The following IL1RAPL1 variants were observed in gnomAD, a reference collection of about 807,000 sequenced individuals.
IL1RAPL1 encodes the protein interleukin-1 receptor accessory protein-like 1.
Under a neutral mutation model 48.4 loss-of-function variants are expected in IL1RAPL1, and 3 were observed. That is an observed-to-expected ratio of 0.06 (90% CI 0.03 to 0.16). The LOEUF (loss-of-function observed/expected upper bound fraction) is 0.16, where lower values mean the gene tolerates loss of function less well. Among genes scored for constraint, IL1RAPL1 ranks in the 10% least tolerant of loss-of-function variants. The pLI is 1.00. For synonymous variants in IL1RAPL1, 185 were observed against 187.7 expected, an observed-to-expected ratio of 0.99 and a Z score of 0.12; for missense variants, 349 against 530.6, an observed-to-expected ratio of 0.66 and a Z score of 3.36.
intron 5 of IL1RAPL1, among the ~76,000 whole-genome samples, chrX:29,444,756 A>T (rs1164771684): frequency 8.9e-6 from 1 of 111,919 alleles, no homozygotes; most frequent in Non-Finnish European, 1.9e-5. Context: ...GTCACGAAAC[A>T]GGTTGAGGAA....
At chrX:29,232,941 G>A (rs1490817142) in intron 2 of IL1RAPL1, among the ~76,000 whole-genome samples, 1 of 109,633 alleles carries the variant, frequency 9.1e-6, no homozygotes, top group East Asian at 2.9e-4. Flanking sequence ...TGGGGTTACA[G>A]GCACCCGCCA....
chrX:29,045,614 G>A (rs1396954493), intron 2 of IL1RAPL1, among the ~76,000 whole-genome samples: 1 of 111,036 alleles, frequency 9.0e-6, no homozygotes, highest in African/African-American at 3.3e-5. Flanking sequence ...TACAGGCATG[G>A]GCACTTGCCG....
In IL1RAPL1 at chrX:29,002,546, TA is replaced by T. The variant is rs762826760; in HGVS notation, c.82+213132del. On this transcript the variant is annotated intron_variant, in intron 2 of 10. Transcript: ENST00000378993. Reference sequence around the variant, plus strand: ...ATGTATGTTTTTTTAAAGCCAAAATTAAAAAAAAAAAGACTAAAGGGGAAAT... The same window carrying T: ...ATGTATGTTTTTTTAAAGCCAAAATTAAAAAAAAAAGACTAAAGGGGAAAT... Among the ~76,000 whole-genome samples the T allele has an allele frequency of 9.8e-3, 1,007 of 102,454 alleles. 2 individuals carry two copies. Among genetic ancestry groups the T allele is most frequent in the South Asian group, 0.03 (72 of 2,385 alleles). 89.0% of individuals were successfully genotyped at this position (102,454 alleles called of 115,157 possible).
chrX:29,906,517 ATAT>A (rs1988560996), intron 6 of IL1RAPL1, among the ~76,000 whole-genome samples: 11 of 41,963 alleles, frequency 2.6e-4, no homozygotes, highest in Non-Finnish European at 4.5e-4. Flanking sequence ...ATATATATAT[ATAT>A]ATTTCTGTAG....
rs1455911104 is a variant in IL1RAPL1, at chrX:28,587,557, G to GGTAATTT, written c.-514_-513insTAATTTG. On this transcript the variant is annotated 5_prime_UTR_variant, in exon 1 of 11. The change creates a premature stop within an existing upstream ORF in the 5' untranslated region. Coordinates refer to ENST00000378993, the MANE Select transcript of IL1RAPL1 (RefSeq NM_014271.4). ...ATCTGGAAATTTTACTTGGGGACCA[G>GGTAATTT]GAGGATTTGAAAGGCTGCATGTACT... 9.0e-6 allele frequency: 1 copy of GGTAATTT among 110,697 alleles called. No individual in the cohort carries two copies. The highest frequency in any genetic ancestry group is 1.9e-5 in the Non-Finnish European group (1 of 52,958). 9.1% of individuals were successfully genotyped at this position (110,697 alleles called of 1,213,427 possible). A position where few individuals can be genotyped will look rare whatever the true frequency, so the allele number is the denominator to read the frequency against.
intron 1 of IL1RAPL1, among the ~76,000 whole-genome samples, chrX:28,651,024 G>A (rs1197503167): frequency 9.0e-6 from 1 of 111,592 alleles, no homozygotes; most frequent in Non-Finnish European, 1.9e-5. Flanking sequence ...CATGTGACTG[G>A]GTTTCAGTGA....
intron 2 of IL1RAPL1, among the ~76,000 whole-genome samples, chrX:29,238,671 C>T (rs1483225595): frequency 8.9e-6 from 1 of 112,107 alleles, no homozygotes; most frequent in Non-Finnish European, 1.9e-5. Flanking sequence ...TAGAGATCAC[C>T]AAGACCCAAT....
At chrX:28,996,359 C>T (rs1925725400) in intron 2 of IL1RAPL1, among the ~76,000 whole-genome samples, 1 of 111,743 alleles carries the variant, frequency 8.9e-6, no homozygotes, top group Non-Finnish European at 1.9e-5. Context: ...ATCCACTAAT[C>T]ATTTGATGAT....
chrX:29,035,514 C>T (rs777840848), intron 2 of IL1RAPL1, among the ~76,000 whole-genome samples: 2 of 111,159 alleles, frequency 1.8e-5, no homozygotes, highest in Middle Eastern at 4.6e-3. Context: ...TAACTTTAGG[C>T]GGGTTAAAAA....
At chrX:29,323,778 T>A (rs1291837809) in intron 3 of IL1RAPL1, among the ~76,000 whole-genome samples, 1 of 50,917 alleles carries the variant, frequency 2.0e-5, no homozygotes, top group Non-Finnish European at 3.4e-5. Flanking sequence ...TATATATATA[T>A]ATATATCCCC....
intron 6 of IL1RAPL1, among the ~76,000 whole-genome samples, chrX:29,710,276 G>A (rs1927302481): frequency 9.1e-6 from 1 of 109,946 alleles, no homozygotes; most frequent in Non-Finnish European, 1.9e-5. Flanking sequence ...TTTATCATTA[G>A]GATAATGTTA....
At chrX:28,945,363 A>T (rs1314972878) in intron 2 of IL1RAPL1, among the ~76,000 whole-genome samples, 1 of 111,650 alleles carries the variant, frequency 9.0e-6, no homozygotes, top group Non-Finnish European at 1.9e-5. Context: ...ATGCCCATCA[A>T]TGATAGACTG....
intron 6 of IL1RAPL1, among the ~76,000 whole-genome samples, chrX:29,735,358 T>G (rs1928017321): frequency 8.9e-6 from 1 of 111,990 alleles, no homozygotes; most frequent in African/African-American, 3.2e-5. Flanking sequence ...CAGGATAATC[T>G]CTTTATTTTA....
At chrX:29,807,419 A>T (rs1000055972) in intron 6 of IL1RAPL1, among the ~76,000 whole-genome samples, 4 of 108,619 alleles carry the variant, frequency 3.7e-5, no homozygotes, top group Non-Finnish European at 5.7e-5. Flanking sequence ...GATTGAAACC[A>T]GCCTGGTGAA....
chrX:28,607,922 C>T (rs1038711347), intron 1 of IL1RAPL1, among the ~76,000 whole-genome samples: 14 of 111,187 alleles, frequency 1.3e-4, no homozygotes, highest in African/African-American at 3.9e-4. Context: ...AAGAATTCCA[C>T]GGGAGTTTTG....
intron 2 of IL1RAPL1, among the ~76,000 whole-genome samples, chrX:28,971,630 A>G (rs1001871948): frequency 1.8e-5 from 2 of 112,038 alleles, no homozygotes; most frequent in Non-Finnish European, 3.8e-5. Context: ...CGAGCTCATT[A>G]GTCTTGGAAG....
chrX:29,445,384 C>T (rs1934600732), intron 5 of IL1RAPL1, among the ~76,000 whole-genome samples: 1 of 111,525 alleles, frequency 9.0e-6, no homozygotes, highest in Non-Finnish European at 1.9e-5. Context: ...AGAAGGGATT[C>T]TACTAGTGAG....
intron 2 of IL1RAPL1, among the ~76,000 whole-genome samples, chrX:29,107,516 A>G (rs908232641): frequency 1.8e-5 from 2 of 111,817 alleles, no homozygotes; most frequent in Admixed American, 9.5e-5. Context: ...GAAAGAAAAC[A>G]TTTCCATCCA....
intron 6 of IL1RAPL1, among the ~76,000 whole-genome samples, chrX:29,676,965 A>G (rs2147103621): frequency 8.9e-6 from 1 of 112,434 alleles, no homozygotes; most frequent in South Asian, 3.7e-4. Context: ...GAATTTGCAA[A>G]GTAAATGCCA....
Sources: gnomAD v4.1 joint callset for allele counts (sites outside exome capture counted in the v4.1 genomes callset) on GRCh38, gnomAD v4.1.1 for gene constraint, MANE v1.5 for transcripts, NCBI Gene and HGNC (gene_info 2026-07-23, HGNC 2026-07-21) for gene names.